The following STK40 variants were observed in gnomAD, a reference collection of about 807,000 sequenced individuals.
STK40 encodes the protein serine/threonine-protein kinase 40.
A neutral mutation model predicts 47.9 loss-of-function variants in STK40; 13 were observed. The ratio of observed to expected loss-of-function variants is 0.27; its 90% CI spans 0.18 to 0.43. The LOEUF (loss-of-function observed/expected upper bound fraction) is 0.43. Ranked by LOEUF, STK40 falls within the 20% of genes least tolerant of loss-of-function variation. The pLI is 1.00. For missense variants in STK40, 460 were observed against 595.1 expected (o/e 0.77, Z 2.36); for synonymous variants, 225 against 243.2 (o/e 0.93, Z 0.69).
chr1:36,346,263 G>A, intron 7 of STK40, among the ~76,000 whole-genome samples: 2 of 151,802 alleles, frequency 1.3e-5, no homozygotes, highest in Non-Finnish European at 2.9e-5. Context: ...CAAAATGTTG[G>A]GATTACAGGC....
At chr1:36,376,564 A>G (rs2124751318) in intron 1 of STK40, among the ~76,000 whole-genome samples, 1 of 152,310 alleles carries the variant, frequency 6.6e-6, no homozygotes, top group Non-Finnish European at 1.5e-5. Context: ...ACACACACAC[A>G]CATGCCCCCA....
chr1:36,358,471 TACCA>T (rs1646824379), intron 3 of STK40, 89 bp from the exon 4 acceptor site: 4 of 1,504,114 alleles, frequency 2.7e-6, no homozygotes, highest in Non-Finnish European at 3.6e-6. Context: ...GGGGGCTTTT[TACCA>T]CATGACATTT....
rs1646794503 is a variant in STK40, at chr1:36,355,399, G to T, written c.377C>A (p.Ser126Tyr). The T allele has an allele frequency of 3.7e-6, 6 of 1,614,184 alleles. No individual in the cohort carries two copies. In the East Asian group the frequency reaches 1.3e-4, roughly 36 times the overall value. ...RTCEIVEDTE[S>Y]SRMVKKMKKR... ...CTTCATCTTCTTAACCATCCGGCTG[G>T]ATTCTGTGTCCTCAACGATTTCACA... The change falls in exon 5 of 11, where the codon TCC (serine) becomes TAC (tyrosine). Residue 126 changes from serine to tyrosine, a missense_variant. Ser to Tyr is a moderately radical substitution (Grantham distance 144). Coordinates refer to ENST00000373132, the MANE Select transcript of STK40 (RefSeq NM_001282547.2).
chr1:36,350,675 G>C (rs1380561681), intron 6 of STK40, among the ~76,000 whole-genome samples: 3 of 152,240 alleles, frequency 2.0e-5, no homozygotes, highest in Admixed American at 6.5e-5. Context: ...CATCTCCGAT[G>C]GTTGGCACAC....
At chr1:36,381,791 A>G (rs1339138644) in intron 1 of STK40, among the ~76,000 whole-genome samples, 1 of 151,918 alleles carries the variant, frequency 6.6e-6, no homozygotes, top group Non-Finnish European at 1.5e-5. Flanking sequence ...GCCCAGTCCC[A>G]GTTCAAGTTC....
chr1:36,358,441 C>T lies in STK40; in HGVS notation c.199-59G>A, dbSNP rs774176996. The T allele has an allele frequency of 1.7e-4, 266 of 1,551,312 alleles. 2 individuals carry two copies. The highest frequency in any genetic ancestry group is 3.7e-5 in the Admixed American group (2 of 54,502). ...GAACACCTCACTTTACACAGCAGAACAACCAGAACGGGGGAAGCAGGGGGC... is the reference window on the plus strand; with the variant it reads ...GAACACCTCACTTTACACAGCAGAATAACCAGAACGGGGGAAGCAGGGGGC... On this transcript the variant is annotated intron_variant, in intron 3 of 10. Transcript: ENST00000373132.
chr1:36,348,693 C>T lies in STK40; in HGVS notation c.739+7G>A, dbSNP rs745654179. Reference sequence around the variant, plus strand: ...TTAGAGGCCCAATGTCTGGCACACACACGTACCGCTGAGCACGTCGGGACT... The same window carrying T: ...TTAGAGGCCCAATGTCTGGCACACATACGTACCGCTGAGCACGTCGGGACT... On this transcript the variant is annotated splice_region_variant and intron_variant, in intron 7 of 10. Transcript: ENST00000373132. The T allele has an allele frequency of 4.4e-5, 70 of 1,597,276 alleles. No individual in the cohort carries two copies. Among genetic ancestry groups the T allele is most frequent in the Middle Eastern group, 3.3e-4 (2 of 6,036 alleles).
chr1:36,371,880 C>T (rs1646951584), intron 1 of STK40, among the ~76,000 whole-genome samples: 1 of 150,702 alleles, frequency 6.6e-6, no homozygotes. Context: ...TGCCTGTAGT[C>T]CCAGCTACTT....
chr1:36,372,488 T>A (rs1646958262), intron 1 of STK40, among the ~76,000 whole-genome samples: 1 of 150,358 alleles, frequency 6.7e-6, no homozygotes, highest in Non-Finnish European at 1.5e-5. Flanking sequence ...GACTCAGAGC[T>A]GCCTGAAGTC....
chr1:36,342,902 C>T (rs1646668037), intron 10 of STK40: 1 of 459,624 alleles, frequency 2.2e-6, no homozygotes, highest in Non-Finnish European at 3.9e-6. Context: ...CTAAGATCAC[C>T]TGCCCTCTGC....
chr1:36,381,454 G>GA (rs1270930989), intron 1 of STK40, among the ~76,000 whole-genome samples: 1 of 152,064 alleles, frequency 6.6e-6, no homozygotes. Context: ...TAGACCCCCA[G>GA]AAAACTCTAT....
chr1:36,384,024 T>G (rs1394973971), intron 1 of STK40, among the ~76,000 whole-genome samples: 5 of 128,412 alleles, frequency 3.9e-5, no homozygotes, highest in African/African-American at 1.2e-4. Flanking sequence ...ATTAGCTTCT[T>G]CTTCTTCTTT....
chr1:36,380,699 G>A (rs1647032069), intron 1 of STK40, among the ~76,000 whole-genome samples: 1 of 152,194 alleles, frequency 6.6e-6, no homozygotes, highest in Non-Finnish European at 1.5e-5. Flanking sequence ...TTGGAAGGCT[G>A]AAGATTTATC....
intron 1 of STK40, among the ~76,000 whole-genome samples, chr1:36,369,956 G>A (rs189005471): frequency 5.6e-4 from 86 of 152,370 alleles, no homozygotes; most frequent in African/African-American, 2.0e-3. Context: ...TGTCCAAGGA[G>A]GGGCCAGTGG....
chr1:36,363,076 AC>A (rs1646867493), intron 1 of STK40, among the ~76,000 whole-genome samples: 2 of 151,928 alleles, frequency 1.3e-5, no homozygotes, highest in South Asian at 4.2e-4. Flanking sequence ...AATCGCTTGA[AC>A]CCAGGACACG....
In STK40 at chr1:36,355,433, C is replaced by G. The variant is rs1252960362; in HGVS notation, c.343G>C (p.Asp115His). 1 of 1,614,048 alleles carries G rather than the reference C, an allele frequency of 6.2e-7. No homozygotes were observed. Among genetic ancestry groups the G allele is most frequent in the Non-Finnish European group, 8.5e-7 (1 of 1,180,034 alleles). Reference protein sequence around the residue: ...GVVHHHGLFQDRTCEIVEDTE... With the variant: ...GVVHHHGLFQHRTCEIVEDTE... ...TCCTCAACGATTTCACAGGTGCGGTCCTGGGAGGCAAGGGGGTAGCGCAGG... is the reference window on the plus strand; with the variant it reads ...TCCTCAACGATTTCACAGGTGCGGTGCTGGGAGGCAAGGGGGTAGCGCAGG... Residue 115 changes from aspartate (D) to histidine (H), a missense_variant and splice_region_variant, in exon 5 of 11, where the codon GAC (aspartate) becomes CAC (histidine). Around this residue, in one of 3 missense-constraint regions of STK40, gnomAD observed 277 missense variants for 358.7 expected, o/e 0.77. Transcript: ENST00000373132.
intron 3 of STK40, 145 bp from the exon 4 acceptor site, chr1:36,358,527 T>G (rs992675724): frequency 1.6e-6 from 2 of 1,275,224 alleles, no homozygotes; most frequent in African/African-American, 1.5e-5. Flanking sequence ...AAATCGTTTT[T>G]CTTAATATGA....
rs1248488829 is a variant in STK40 at position 36,341,979 on chromosome 1, AGGC to A, written c.1090-9_1090-7del. 1 of 1,608,818 alleles carries A rather than the reference AGGC, an allele frequency of 6.2e-7. No individual in the cohort carries two copies. Among genetic ancestry groups the A allele is most frequent in the African/African-American group, 1.3e-5 (1 of 74,844 alleles). ...CACTCCTCCGTCACCTTCGCCTTTG[AGGC>A]GGGGAGGGTGGGAAGGAGACAAAGA... On this transcript the variant is annotated splice_region_variant and splice_polypyrimidine_tract_variant and intron_variant, in intron 10 of 10. Coordinates refer to ENST00000373132, the MANE Select transcript of STK40 (RefSeq NM_001282547.2).
rs1009896301 is a variant in STK40, at chr1:36,341,178, G to T, written c.*577C>A. On this transcript the variant is annotated 3_prime_UTR_variant, in exon 11 of 11. Coordinates refer to ENST00000373132, the MANE Select transcript of STK40 (RefSeq NM_001282547.2). Reference sequence around the variant, plus strand: ...GACTGAGCCACCTAGAGATGGGAGAGAAGTTGGTATGGTAAAAAAATAAAT... The same window carrying T: ...GACTGAGCCACCTAGAGATGGGAGATAAGTTGGTATGGTAAAAAAATAAAT... 6.5e-6 allele frequency: 1 copy of T among 153,464 alleles called. No individual in the cohort carries two copies. Among genetic ancestry groups the T allele is most frequent in the Non-Finnish European group, 1.5e-5 (1 of 68,670 alleles). 9.5% of individuals were successfully genotyped at this position (153,464 alleles called of 1,614,324 possible).
Sources: allele counts gnomAD v4.1 joint callset (sites outside exome capture counted in the v4.1 genomes callset), GRCh38; gene constraint gnomAD v4.1.1; regional missense constraint gnomAD v4.1.1; transcripts MANE v1.5; gene names NCBI Gene and HGNC (gene_info 2026-07-23, HGNC 2026-07-21).